Variants in CSMD3 observed in about 807,000 individuals in gnomAD.
CSMD3 encodes the protein CUB and sushi domain-containing protein 3.
A neutral mutation model predicts 435.2 loss-of-function variants in CSMD3; 177 were observed. That is an observed-to-expected ratio of 0.41 (90% CI 0.36 to 0.46). The LOEUF (loss-of-function observed/expected upper bound fraction) is 0.46. Among genes scored for constraint, CSMD3 ranks in the 20% least tolerant of loss-of-function variants. The pLI is 0.34. For synonymous variants in CSMD3, 1,656 were observed against 1,520.5 expected, an observed-to-expected ratio of 1.09 and a Z score of -2.07; for missense variants, 4,265 against 4,504.6, an observed-to-expected ratio of 0.95 and a Z score of 1.52.
In CSMD3 at chr8:112,564,384, C is replaced by T. The variant is rs555618850; in HGVS notation, c.4043-7430G>A. Among the ~76,000 whole-genome samples the T allele has an allele frequency of 3.6e-3, 544 of 149,936 alleles. 3 individuals are homozygous for T. Among genetic ancestry groups the T allele is most frequent in the African/African-American group, 0.012 (467 of 40,604 alleles). On this transcript the variant is annotated intron_variant, in intron 24 of 70. Coordinates refer to ENST00000297405, the MANE Select transcript of CSMD3 (RefSeq NM_198123.2). The stretch of plus-strand genomic sequence containing the variant: ...CTCCCTTCTCCCTTCCCCTCCCCTT[C>T]CCTCTCTTCTCCTCTCCTCTCCTCT...
intron 1 of CSMD3, among the ~76,000 whole-genome samples, chr8:113,404,311 A>G (rs2094522987): frequency 6.6e-6 from 1 of 151,498 alleles, no homozygotes; most frequent in African/African-American, 2.4e-5. Flanking sequence ...TAAATTAGAC[A>G]TGCTTTAAGT....
chr8:113,315,208 C>A (rs2132674194), intron 1 of CSMD3, among the ~76,000 whole-genome samples: 2 of 152,256 alleles, frequency 1.3e-5, no homozygotes, highest in Middle Eastern at 6.8e-3. Context: ...AAAGAATTAA[C>A]TCCATTTTTC....
intron 37 of CSMD3, among the ~76,000 whole-genome samples, chr8:112,380,679 C>T (rs1276943950): frequency 6.6e-6 from 1 of 152,042 alleles, no homozygotes; most frequent in East Asian, 1.9e-4. Flanking sequence ...TAGATTGCTT[C>T]CTAAAAATAG....
chr8:112,595,257 G>A (rs1302123142), intron 22 of CSMD3, among the ~76,000 whole-genome samples: 1 of 151,890 alleles, frequency 6.6e-6, no homozygotes, highest in Non-Finnish European at 1.5e-5. Flanking sequence ...CTGGAAGAAA[G>A]GGTATCAGCA....
chr8:113,040,359 A>T (rs1036633214), intron 5 of CSMD3, among the ~76,000 whole-genome samples: 2 of 152,178 alleles, frequency 1.3e-5, no homozygotes, highest in African/African-American at 2.4e-5. Flanking sequence ...AAGCCATTGG[A>T]ACATTTTAGT....
Position 112,550,857 on chromosome 8 carries a change from A to G in CSMD3, c.4378T>C (p.Phe1460Leu). 1 of 1,611,254 alleles carries G rather than the reference A, an allele frequency of 6.2e-7. No homozygotes were observed. The highest frequency in any genetic ancestry group is 8.5e-7 in the Non-Finnish European group (1 of 1,177,708). ...ATATCATGTGATGCTTCCGTATCAA[A>G]AGCAAGAAACTGCAAGCTGTGGGAG... is the stretch of plus-strand genomic sequence containing the variant. ...GNIVSLQFLA[F>L]DTEASHDILR... Residue 1460 changes from phenylalanine to leucine, a missense_variant, in exon 27 of 71, where the codon TTT becomes CTT. Phe to Leu is a conservative substitution (Grantham distance 22). Transcript: ENST00000297405.
chr8:112,730,070 AT>A (rs2132008351), intron 13 of CSMD3, among the ~76,000 whole-genome samples: 1 of 152,256 alleles, frequency 6.6e-6, no homozygotes, highest in African/African-American at 2.4e-5. Context: ...CTTGCTTTCA[AT>A]TGTGGTTGGA....
chr8:113,007,191 G>C (rs2086090030), intron 6 of CSMD3, among the ~76,000 whole-genome samples: 1 of 151,890 alleles, frequency 6.6e-6, no homozygotes, highest in Non-Finnish European at 1.5e-5. Flanking sequence ...TTAGTGTTTT[G>C]ATTACTCTCT....
chr8:113,254,184 A>AATT (rs10694629), intron 3 of CSMD3, among the ~76,000 whole-genome samples: 102,397 of 151,818 alleles, frequency 0.67, 36,455 homozygotes, highest in East Asian at 0.95. Flanking sequence ...GCAAAAAAGA[A>AATT]ATTTAGGCAG....
intron 23 of CSMD3, among the ~76,000 whole-genome samples, chr8:112,575,418 A>G (rs1026564624): frequency 6.6e-6 from 1 of 152,090 alleles, no homozygotes; most frequent in Admixed American, 6.6e-5. Context: ...TCAAGGCGAC[A>G]TGGTCATTGA....
chr8:112,909,228 A>G (rs1263140457), intron 10 of CSMD3, among the ~76,000 whole-genome samples: 4 of 151,656 alleles, frequency 2.6e-5, no homozygotes, highest in South Asian at 4.1e-4. Flanking sequence ...ATAAACTTAT[A>G]TTAACTCCAA....
chr8:112,578,173 C>G (rs1387950826), intron 23 of CSMD3, among the ~76,000 whole-genome samples: 2 of 151,886 alleles, frequency 1.3e-5, no homozygotes, highest in Non-Finnish European at 2.9e-5. Flanking sequence ...AATATTCTCT[C>G]CAAAGATAAT....
At chr8:112,517,756 T>C (rs564959873) in intron 27 of CSMD3, among the ~76,000 whole-genome samples, 2 of 152,140 alleles carry the variant, frequency 1.3e-5, no homozygotes, top group Non-Finnish European at 2.9e-5. Flanking sequence ...AAAAAATATA[T>C]GATAACAATA....
At chr8:112,784,193 T>C (rs1224530378) in intron 13 of CSMD3, among the ~76,000 whole-genome samples, 1 of 152,000 alleles carries the variant, frequency 6.6e-6, no homozygotes, top group Non-Finnish European at 1.5e-5. Context: ...AGTGGATCAA[T>C]AATGAAATTA....
intron 12 of CSMD3, among the ~76,000 whole-genome samples, chr8:112,829,057 AAG>A (rs1280681995): frequency 6.6e-6 from 1 of 152,130 alleles, no homozygotes; most frequent in Admixed American, 6.6e-5. Flanking sequence ...AAGAAAAAAA[AAG>A]GAAAAAAAAA....
At chr8:112,877,926 G>T (rs746704286) in intron 10 of CSMD3, among the ~76,000 whole-genome samples, 1 of 151,984 alleles carries the variant, frequency 6.6e-6, no homozygotes. Context: ...CTCAAGGTGG[G>T]TTATAGACTT....
At chr8:112,648,801 A>T (rs542397281) in intron 19 of CSMD3, among the ~76,000 whole-genome samples, 16 of 152,182 alleles carry the variant, frequency 1.1e-4, no homozygotes, top group African/African-American at 3.9e-4. Flanking sequence ...CCAACCTTGT[A>T]GCTTTATTAG....
chr8:112,880,807 C>A (rs1214632733), intron 10 of CSMD3, among the ~76,000 whole-genome samples: 1 of 151,848 alleles, frequency 6.6e-6, no homozygotes, highest in Admixed American at 6.6e-5. Context: ...TTAAGGAGAT[C>A]GATCCAGCTG....
chr8:113,050,648 C>T (rs1250525391), intron 5 of CSMD3, among the ~76,000 whole-genome samples: 3 of 152,010 alleles, frequency 2.0e-5, no homozygotes, highest in Admixed American at 6.6e-5. Context: ...TATATTTGTA[C>T]GTATCTACCC....
Sources: allele counts gnomAD v4.1 joint callset (sites outside exome capture counted in the v4.1 genomes callset), GRCh38; gene constraint gnomAD v4.1.1; transcripts MANE v1.5; gene names NCBI Gene and HGNC (gene_info 2026-07-23, HGNC 2026-07-21).